The following XKR4 variants were observed in gnomAD, a reference collection of about 807,000 sequenced individuals.
XKR4 encodes XK related 4, also known as XK-related protein 4.
A neutral mutation model predicts 53.9 loss-of-function variants in XKR4; 12 were observed. That is an observed-to-expected ratio of 0.22 (90% CI 0.14 to 0.36). The LOEUF is 0.36. Among genes scored for constraint, XKR4 ranks in the 10% least tolerant of loss-of-function variants. XKR4 has a pLI of 1.00. For synonymous variants in XKR4, 354 were observed against 362.4 expected (o/e 0.98, Z 0.26); for missense variants, 799 against 859.5 (o/e 0.93, Z 0.88).
intron 1 of XKR4, among the ~76,000 whole-genome samples, chr8:55,338,703 C>T (rs969066412): frequency 1.8e-4 from 27 of 152,082 alleles, no homozygotes; most frequent in African/African-American, 3.9e-4. Context: ...GGAGGCTGGC[C>T]GCAATACAGT....
intron 1 of XKR4, among the ~76,000 whole-genome samples, chr8:55,186,940 A>G (rs1817387292): frequency 6.6e-6 from 1 of 152,134 alleles, no homozygotes; most frequent in Admixed American, 6.5e-5. Context: ...ATTACTAAAG[A>G]AGTAATTATG....
chr8:55,305,176 A>T (rs1819277383), intron 1 of XKR4, among the ~76,000 whole-genome samples: 1 of 152,180 alleles, frequency 6.6e-6, no homozygotes, highest in South Asian at 2.1e-4. Flanking sequence ...TTAATTAATG[A>T]TCATTAAAAT....
chr8:55,405,692 C>T (rs115170372), intron 2 of XKR4, among the ~76,000 whole-genome samples: 4,123 of 152,290 alleles, frequency 0.027, 165 homozygotes, highest in African/African-American at 0.093. Flanking sequence ...TTCTTCAACT[C>T]CCTTTGATAG....
chr8:55,403,104 C>A (rs1178193941), intron 2 of XKR4, among the ~76,000 whole-genome samples: 1 of 152,178 alleles, frequency 6.6e-6, no homozygotes, highest in Admixed American at 6.5e-5. Context: ...TCTGTCCCTG[C>A]AGAATCTAAC....
chr8:55,246,652 T>C (rs545709497), intron 1 of XKR4, among the ~76,000 whole-genome samples: 2 of 152,152 alleles, frequency 1.3e-5, no homozygotes, highest in South Asian at 2.1e-4. Flanking sequence ...CCAAAAACTA[T>C]TGAGAGTCAT....
chr8:55,492,820 G>A (rs1806290671), intron 2 of XKR4, among the ~76,000 whole-genome samples: 2 of 152,164 alleles, frequency 1.3e-5, no homozygotes, highest in African/African-American at 4.8e-5. Flanking sequence ...TACAGATGAT[G>A]TATTGCTATT....
At chr8:55,256,829 G>A (rs1285811805) in intron 1 of XKR4, among the ~76,000 whole-genome samples, 2 of 152,148 alleles carry the variant, frequency 1.3e-5, no homozygotes, top group East Asian at 3.9e-4. Flanking sequence ...TGGTGTCTTA[G>A]TCCATTTGGC....
At chr8:55,390,280 C>T (rs560347030) in intron 2 of XKR4, among the ~76,000 whole-genome samples, 1 of 152,298 alleles carries the variant, frequency 6.6e-6, no homozygotes, top group African/African-American at 2.4e-5. Context: ...TTAATGGTAT[C>T]ATTTGCCAAT....
rs545171483 is a variant in XKR4 at position 55,395,156 on chromosome 8, C to A, written c.1006+37279C>A. On this transcript the variant is annotated intron_variant, in intron 2 of 2. Coordinates refer to ENST00000327381, the MANE Select transcript of XKR4 (RefSeq NM_052898.2). ...AGGGAGGTAGCGAATCACTGAGGAG[C>A]TTTATGAAGTGATTTTGGGAGAAGG... Among the ~76,000 whole-genome samples the A allele has an allele frequency of 4.6e-5, 7 of 152,018 alleles. No homozygotes were observed. The South Asian group carries it at 1.0e-3, about 23-fold the overall frequency.
intron 1 of XKR4, among the ~76,000 whole-genome samples, chr8:55,180,831 C>T (rs1020575596): frequency 6.6e-6 from 1 of 151,300 alleles, no homozygotes; most frequent in Admixed American, 6.6e-5. Context: ...CCGCACCTGG[C>T]CCCAAAATAG....
chr8:55,374,962 A>G (rs1175116583), intron 2 of XKR4, among the ~76,000 whole-genome samples: 1 of 152,236 alleles, frequency 6.6e-6, no homozygotes, highest in East Asian at 1.9e-4. Context: ...GAGATGCAGC[A>G]GGAGCACTTT....
rs145154260 is a variant in XKR4 at position 55,266,281 on chromosome 8, T to C, written c.807-91397T>C. 4.6e-5 allele frequency among the ~76,000 whole-genome samples: 7 copies of C among 151,896 alleles called. No individual in the cohort carries two copies. In the East Asian group the frequency reaches 5.9e-4, roughly 13 times the overall value. The stretch of plus-strand genomic sequence containing the variant: ...AGTACAGTGGGGCTTTCTAGGGGTA[T>C]GGAGCAACCCCTGTGTTTCCATGGC... On this transcript the variant is annotated intron_variant, in intron 1 of 2. Coordinates refer to ENST00000327381, the MANE Select transcript of XKR4 (RefSeq NM_052898.2).
In XKR4 at chr8:55,463,146, C is replaced by T. The variant is rs538327551; in HGVS notation, c.1007-60135C>T. On this transcript the variant is annotated intron_variant, in intron 2 of 2. Coordinates refer to ENST00000327381, the MANE Select transcript of XKR4 (RefSeq NM_052898.2). Reference sequence around the variant, plus strand: ...AGACCTAATAGACATCTACAGAACTCTCCACCCCAAATCAACAGAATATAC... The same window carrying T: ...AGACCTAATAGACATCTACAGAACTTTCCACCCCAAATCAACAGAATATAC... 2.0e-5 allele frequency among the ~76,000 whole-genome samples: 3 copies of T among 152,314 alleles called. No homozygotes were observed. In the South Asian group the frequency reaches 6.2e-4, roughly 32 times the overall value.
intron 1 of XKR4, among the ~76,000 whole-genome samples, chr8:55,252,160 T>A (rs1318200876): frequency 1.3e-5 from 2 of 152,250 alleles, no homozygotes; most frequent in Non-Finnish European, 2.9e-5. Flanking sequence ...TCTAACCAGA[T>A]TCAGTGTGTC....
intron 2 of XKR4, chr8:55,453,131 C>G (rs901286989): frequency 1.7e-5 from 9 of 527,596 alleles, no homozygotes; most frequent in African/African-American, 1.3e-4. Context: ...CAGTAGAACA[C>G]GGCCTCCCAG....
chr8:55,172,032 G>A (rs1375560358), intron 1 of XKR4, among the ~76,000 whole-genome samples: 2 of 152,020 alleles, frequency 1.3e-5, no homozygotes, highest in Non-Finnish European at 2.9e-5. Flanking sequence ...TGGCCAACAT[G>A]GTGAAACCTC....
At chr8:55,475,221 C>A (rs906685418) in intron 2 of XKR4, among the ~76,000 whole-genome samples, 2 of 152,048 alleles carry the variant, frequency 1.3e-5, no homozygotes, top group Non-Finnish European at 2.9e-5. Flanking sequence ...AAATGGCACC[C>A]AGATGCAGAG....
At chr8:55,449,502 G>C in intron 2 of XKR4, 1 of 1,331,414 alleles carries the variant, frequency 7.5e-7, no homozygotes, top group Non-Finnish European at 1.1e-6. Flanking sequence ...AGGCAAGGTC[G>C]GGAGGCTCAG....
rs375008099 is a variant in XKR4, at chr8:55,190,835, G to A, written c.806+87541G>A. Among the ~76,000 whole-genome samples the A allele has an allele frequency of 7.3e-4, 111 of 152,218 alleles. 1 individual carries two copies. The highest frequency in any genetic ancestry group is 1.4e-3 in the Admixed American group (22 of 15,284). On this transcript the variant is annotated intron_variant, in intron 1 of 2. Transcript: ENST00000327381. ...ACATGACGTGCAGCCTTGAAAATCC[G>A]AAAATGGTTATTTTTGAAAATATTG...
Sources: gnomAD v4.1 joint callset for allele counts (sites outside exome capture counted in the v4.1 genomes callset) on GRCh38, gnomAD v4.1.1 for gene constraint, MANE v1.5 for transcripts, NCBI Gene and HGNC (gene_info 2026-07-23, HGNC 2026-07-21) for gene names.